WDR45: variants seen among roughly 807,000 people sequenced by gnomAD.
WDR45 encodes the protein WD repeat domain 45.
WDR45 carries 2 observed loss-of-function variants against 27.3 expected under a neutral mutation model. The ratio of observed to expected loss-of-function variants is 0.07; its 90% CI spans 0.03 to 0.23. The LOEUF is 0.23. WDR45 is among the 10% of genes least tolerant of loss of function. WDR45 has a pLI of 1.00. For synonymous variants in WDR45, 99 were observed against 119.2 expected, an observed-to-expected ratio of 0.83 and a Z score of 1.11; for missense variants, 175 against 311.9, an observed-to-expected ratio of 0.56 and a Z score of 3.31.
intron 7 of WDR45, 35 bp from the exon 8 acceptor site, chrX:49,075,788 G>C (rs782231530): frequency 8.4e-7 from 1 of 1,195,560 alleles, no homozygotes; most frequent in African/African-American, 1.8e-5. Context: ...GGTTGGGGTG[G>C]TATGGAGGGA....
At chrX:49,081,164 C>A (rs781945181), upstream of WDR45, among the ~76,000 whole-genome samples, 1 of 107,720 alleles carries the variant, frequency 9.3e-6, no homozygotes, top group Middle Eastern at 4.8e-3. Flanking sequence ...CCTCGGCCCC[C>A]CAAAGTGTTG....
chrX:49,087,601 C>T (rs1215014172), intron 2 of WDR45, among the ~76,000 whole-genome samples: 1 of 112,217 alleles, frequency 8.9e-6, no homozygotes, highest in African/African-American at 3.2e-5. Context: ...AGGACTAAGA[C>T]GTGGGACATT....
At chrX:49,080,259 C>T (rs1285311328), upstream of WDR45, 1 of 111,820 alleles carries the variant, frequency 8.9e-6, no homozygotes, top group Non-Finnish European at 1.9e-5. Context: ...CCCCGGTTCG[C>T]AACACACAGT....
intron 2 of WDR45, among the ~76,000 whole-genome samples, chrX:49,089,798 A>AG (rs2065098206): frequency 9.4e-6 from 1 of 106,475 alleles, no homozygotes; most frequent in East Asian, 2.9e-4. Context: ...AAAAAAAAAA[A>AG]AAAAAGAAAA....
At chrX:49,096,837 T>C (rs1602552293) in intron 2 of WDR45, among the ~76,000 whole-genome samples, 2 of 112,083 alleles carry the variant, frequency 1.8e-5, no homozygotes, top group Admixed American at 1.9e-4. Context: ...CACTACAACC[T>C]CCGCTTCCTG....
At chrX:49,094,671 T>C (rs1557087057) in intron 2 of WDR45, among the ~76,000 whole-genome samples, 1 of 111,245 alleles carries the variant, frequency 9.0e-6, no homozygotes, top group Non-Finnish European at 1.9e-5. Flanking sequence ...ATGGAGGTTC[T>C]GTGAAGGCAG....
upstream of WDR45, among the ~76,000 whole-genome samples, chrX:49,083,307 C>T (rs1195143554): frequency 3.8e-5 from 4 of 104,318 alleles, no homozygotes; most frequent in East Asian, 6.0e-4. Context: ...CTACCACGCC[C>T]GGCCTCTCGT....
rs782410910 is a variant in WDR45, at chrX:49,074,927, G to T, written c.974-15C>A. ...TACGCAGATGGCTGGGGGAGGGGGGGTGGTAAAAGGTCAGAGGCTGCCACA... is the reference window on the plus strand; with the variant it reads ...TACGCAGATGGCTGGGGGAGGGGGGTTGGTAAAAGGTCAGAGGCTGCCACA... On this transcript the variant is annotated splice_polypyrimidine_tract_variant and intron_variant, in intron 10 of 10. Coordinates refer to ENST00000376372, the MANE Select transcript of WDR45 (RefSeq NM_001029896.2). The T allele has an allele frequency of 8.6e-7, 1 of 1,166,607 alleles. No homozygotes were observed. The highest frequency in any genetic ancestry group is 3.0e-5 in the East Asian group (1 of 33,675).
At chrX:49,076,029 C>T (rs2065035173) in intron 6 of WDR45, 84 bp from the exon 7 acceptor site, 1 of 817,428 alleles carries the variant, frequency 1.2e-6, no homozygotes, top group African/African-American at 2.0e-5. Flanking sequence ...GAGGACCAGA[C>T]TTCAACCCTC....
In WDR45 at chrX:49,100,814, A is replaced by T. The variant is rs1245930506; in HGVS notation, c.-368+236T>A. On this transcript the variant is annotated intron_variant, in intron 1 of 11. Coordinates refer to the WDR45 transcript ENST00000356463. ...TAACTTTGGTATACTGTATCCAGAG[A>T]CCACAGAGGGCTCGCTCTGCGATTT... The T allele has an allele frequency of 1.7e-4, 19 of 112,850 alleles. No homozygotes were observed. The Admixed American group carries it at 1.8e-3, about 11-fold the overall frequency. 9.3% of individuals were successfully genotyped at this position (112,850 alleles called of 1,213,427 possible).
chrX:49,075,272 G>T lies in WDR45; in HGVS notation c.837C>A (p.Arg279=). Residue 279 remains arginine (R), a synonymous_variant, in exon 10 of 11, where the codon CGC becomes CGA. Coordinates refer to ENST00000376372, the MANE Select transcript of WDR45 (RefSeq NM_001029896.2). The part of the protein sequence containing the change: ...TRLNRRSALA[R]VGKVGPMIGQ... ...CAATCATAGGCCCCACCTTGCCCACGCGAGCCAGCCTGCAGGCAGCACTGG... is the reference window on the plus strand; with the variant it reads ...CAATCATAGGCCCCACCTTGCCCACTCGAGCCAGCCTGCAGGCAGCACTGG... 4 of 1,210,983 alleles carry T rather than the reference G, an allele frequency of 3.3e-6. No homozygotes were observed. The highest frequency in any genetic ancestry group is 4.5e-6 in the Non-Finnish European group (4 of 894,912).
At chrX:49,083,058 T>C (rs2065073776), upstream of WDR45, among the ~76,000 whole-genome samples, 1 of 111,368 alleles carries the variant, frequency 9.0e-6, no homozygotes, top group Non-Finnish European at 1.9e-5. Flanking sequence ...TTTTGTATTT[T>C]TAGTAGAGAC....
At position 49,076,765 on chromosome X, in the gene WDR45, G is replaced by A. The variant is rs373218492; in HGVS notation, c.236-15C>T. On this transcript the variant is annotated splice_polypyrimidine_tract_variant and intron_variant, in intron 4 of 10. Transcript: ENST00000376372. ...CCAGATCAGCACTGCTGGGCAGGTG[G>A]GTGGGTTGTCGGGGCCAAGGTTTAG... 3 of 1,186,768 alleles carry A rather than the reference G, an allele frequency of 2.5e-6. No homozygotes were observed. Among genetic ancestry groups the A allele is most frequent in the Non-Finnish European group, 3.4e-6 (3 of 879,941 alleles).
chrX:49,078,835 T>C (rs1557084671), intron 1 of WDR45, among the ~76,000 whole-genome samples: 3 of 112,502 alleles, frequency 2.7e-5, no homozygotes, highest in African/African-American at 9.7e-5. Flanking sequence ...ACTCTCTCAA[T>C]AAATAGACAA....
At chrX:49,085,174 A>G (rs1007672145) in intron 2 of WDR45, among the ~76,000 whole-genome samples, 2 of 111,848 alleles carry the variant, frequency 1.8e-5, no homozygotes, top group African/African-American at 6.5e-5. Flanking sequence ...AGCACAGAGA[A>G]TCACAGAGAT....
intron 2 of WDR45, among the ~76,000 whole-genome samples, chrX:49,096,545 A>T (rs1557087319): frequency 8.9e-6 from 1 of 112,318 alleles, no homozygotes; most frequent in African/African-American, 3.2e-5. Context: ...TTATCTTTAT[A>T]GATTCAAATG....
At chrX:49,093,543 T>TC (rs1373783177) in intron 2 of WDR45, among the ~76,000 whole-genome samples, 2 of 105,982 alleles carry the variant, frequency 1.9e-5, no homozygotes, top group African/African-American at 6.9e-5. Flanking sequence ...TTTTTTTTTT[T>TC]TTTTAATGAG....
chrX:49,088,818 G>C (rs1557086270), intron 2 of WDR45, among the ~76,000 whole-genome samples: 1 of 111,549 alleles, frequency 9.0e-6, no homozygotes, highest in African/African-American at 3.3e-5. Flanking sequence ...CTACAATCCA[G>C]CCTAGACAAC....
rs370705626 is a variant in WDR45, at chrX:49,075,703, A to G, written c.567T>C (p.Asn189=). Residue 189 remains asparagine, a synonymous_variant, in exon 8 of 11, where the codon AAT becomes AAC. Coordinates refer to ENST00000376372, the MANE Select transcript of WDR45 (RefSeq NM_001029896.2). ...CACAGGCTATGTCACTCTGATGTGC[A>G]TTGATCGTGAATGGAGCAGACGAGG... is the stretch of plus-strand genomic sequence containing the variant. The part of the protein sequence containing the change: ...PGTSSAPFTI[N]AHQSDIACVS... The G allele has an allele frequency of 1.8e-5, 22 of 1,208,678 alleles. No homozygotes were observed. In the African/African-American group the frequency reaches 3.9e-4, roughly 21 times the overall value.
Sources: gnomAD v4.1 joint callset for allele counts (sites outside exome capture counted in the v4.1 genomes callset) on GRCh38, gnomAD v4.1.1 for gene constraint, MANE v1.5 for transcripts, NCBI Gene and HGNC (gene_info 2026-07-23, HGNC 2026-07-21) for gene names.